TBC1D22A: variants seen among roughly 807,000 people sequenced by gnomAD.
TBC1D22A encodes TBC1 domain family member 22A.
TBC1D22A carries 38 observed loss-of-function variants against 60.2 expected under a neutral mutation model. The ratio of observed to expected loss-of-function variants is 0.63; its 90% CI spans 0.49 to 0.83. The LOEUF (loss-of-function observed/expected upper bound fraction) is 0.83, where lower values mean the gene tolerates loss of function less well. Ranked by LOEUF, TBC1D22A falls within the 40% of genes least tolerant of loss-of-function variation. The probability of loss-of-function intolerance (pLI) is 0.00; values close to 1 mark genes in which losing one functional copy is unlikely to be tolerated. For synonymous variants in TBC1D22A, 302 were observed against 281.7 expected (o/e 1.07, Z -0.72); for missense variants, 628 against 701.0 (o/e 0.90, Z 1.18).
intron 10 of TBC1D22A, among the ~76,000 whole-genome samples, chr22:47,005,071 A>G (rs2061538959): frequency 6.6e-6 from 1 of 151,690 alleles, no homozygotes; most frequent in African/African-American, 2.4e-5. Context: ...CCTGCCACAT[A>G]CATATACATG....
chr22:46,808,650 A>T (rs2085251409), intron 4 of TBC1D22A, among the ~76,000 whole-genome samples: 1 of 151,928 alleles, frequency 6.6e-6, no homozygotes, highest in Non-Finnish European at 1.5e-5. Flanking sequence ...GCCAGAGTGC[A>T]GTGGCGCGAT....
chr22:47,037,402 G>A (rs2062692558), intron 11 of TBC1D22A, among the ~76,000 whole-genome samples: 1 of 152,162 alleles, frequency 6.6e-6, no homozygotes, highest in Admixed American at 6.5e-5. Flanking sequence ...GGCCAAGGTG[G>A]GTGGATTGCC....
intron 10 of TBC1D22A, among the ~76,000 whole-genome samples, chr22:47,000,460 C>T (rs537321221): frequency 6.6e-6 from 1 of 152,306 alleles, no homozygotes; most frequent in East Asian, 1.9e-4. Flanking sequence ...CATCCCTAAA[C>T]CTTTAGTAAA....
At chr22:47,141,303 A>T (rs867014150) in intron 12 of TBC1D22A, among the ~76,000 whole-genome samples, 7 of 152,304 alleles carry the variant, frequency 4.6e-5, no homozygotes, top group Middle Eastern at 3.4e-3. Context: ...TTGGGTGGGG[A>T]CACAGCCAAA....
chr22:47,129,443 C>T (rs1026682992), intron 12 of TBC1D22A, among the ~76,000 whole-genome samples: 1 of 152,226 alleles, frequency 6.6e-6, no homozygotes, highest in African/African-American at 2.4e-5. Flanking sequence ...TGCCACTGCA[C>T]TGCAGCCTGG....
intron 4 of TBC1D22A, among the ~76,000 whole-genome samples, chr22:46,876,679 C>T (rs1170903011): frequency 6.6e-6 from 1 of 152,216 alleles, no homozygotes; most frequent in African/African-American, 2.4e-5. Flanking sequence ...GCTGTCTGTG[C>T]TCAGTGGCTT....
At position 46,958,666 on chromosome 22, in the gene TBC1D22A, C is replaced by T. The variant is rs145221199; in HGVS notation, c.1016-15624C>T. On this transcript the variant is annotated intron_variant, in intron 8 of 12. Transcript: ENST00000337137. The stretch of plus-strand genomic sequence containing the variant: ...GCGTCTCTAGCCCTGTGCCCAGCGT[C>T]GGGACTTTTCCCCCAGCTGCTGGAA... 1.5e-4 allele frequency among the ~76,000 whole-genome samples: 23 copies of T among 152,324 alleles called. No homozygotes were observed. The East Asian group carries it at 3.7e-3, about 24-fold the overall frequency.
At chr22:46,970,140 T>C (rs925807611) in intron 8 of TBC1D22A, among the ~76,000 whole-genome samples, 1 of 152,068 alleles carries the variant, frequency 6.6e-6, no homozygotes, top group Non-Finnish European at 1.5e-5. Flanking sequence ...TTGAGGCAGC[T>C]TGGGCATGTC....
At chr22:46,774,360 A>G in intron 1 of TBC1D22A, 2 of 656,770 alleles carry the variant, frequency 3.0e-6, no homozygotes, top group Non-Finnish European at 3.8e-6. Context: ...TGCTGTGGGG[A>G]ACTTTCATTT....
chr22:46,791,210 C>T (rs949685664), intron 1 of TBC1D22A, among the ~76,000 whole-genome samples: 12 of 152,124 alleles, frequency 7.9e-5, no homozygotes, highest in African/African-American at 1.4e-4. Context: ...TTTGTGCAGA[C>T]GTGGTTTCGC....
intron 8 of TBC1D22A, among the ~76,000 whole-genome samples, chr22:46,951,931 A>C (rs2072927815): frequency 6.6e-6 from 1 of 152,202 alleles, no homozygotes; most frequent in South Asian, 2.1e-4. Context: ...TCTTGCAGGA[A>C]ATCCCATTTA....
chr22:47,063,220 G>A (rs131933), intron 11 of TBC1D22A, among the ~76,000 whole-genome samples: 121 of 152,230 alleles, frequency 7.9e-4, no homozygotes, highest in Non-Finnish European at 1.5e-3. Flanking sequence ...CCAATCTCAT[G>A]GGACACTGGT....
intron 4 of TBC1D22A, among the ~76,000 whole-genome samples, chr22:46,830,484 C>T (rs539770536): frequency 8.5e-5 from 13 of 152,342 alleles, no homozygotes; most frequent in African/African-American, 3.1e-4. Flanking sequence ...CATTCCAGCC[C>T]TGGCTGGAAA....
Position 46,845,371 on chromosome 22 carries a change from G to C in TBC1D22A, c.638-33282G>C, listed in dbSNP as rs977554710. Among the ~76,000 whole-genome samples the C allele has an allele frequency of 5.9e-5, 9 of 152,310 alleles. No individual in the cohort carries two copies. The East Asian group carries it at 1.5e-3, about 26-fold the overall frequency. On this transcript the variant is annotated intron_variant, in intron 4 of 12. Coordinates refer to ENST00000337137, the MANE Select transcript of TBC1D22A (RefSeq NM_014346.5). ...TGGAGAAGATTAAGGGCAGTATTTG[G>C]TTGGAAAATTTTTAATGAAGCACCT... is the stretch of plus-strand genomic sequence containing the variant.
chr22:47,162,826 G>T (rs2068047274), intron 12 of TBC1D22A, among the ~76,000 whole-genome samples: 1 of 133,468 alleles, frequency 7.5e-6, no homozygotes, highest in Non-Finnish European at 1.6e-5. Context: ...GGTGCAGGGA[G>T]AGTCGGGGGA....
chr22:46,783,646 T>TA (rs1311941393), intron 1 of TBC1D22A, among the ~76,000 whole-genome samples: 2 of 123,114 alleles, frequency 1.6e-5, no homozygotes, highest in East Asian at 4.8e-4. Context: ...CATTTCGCAT[T>TA]TAAAAAATTT....
intron 4 of TBC1D22A, among the ~76,000 whole-genome samples, chr22:46,817,994 T>G (rs1256553379): frequency 5.9e-5 from 9 of 152,240 alleles, no homozygotes. Flanking sequence ...TGATTTGCAT[T>G]TATCTGATGA....
At chr22:46,908,375 C>T (rs1398054239) in intron 7 of TBC1D22A, among the ~76,000 whole-genome samples, 1 of 152,156 alleles carries the variant, frequency 6.6e-6, no homozygotes, top group African/African-American at 2.4e-5. Flanking sequence ...GTGCCTTTAG[C>T]GGCAGAGCCA....
intron 10 of TBC1D22A, among the ~76,000 whole-genome samples, chr22:47,004,955 C>G (rs918961522): frequency 4.0e-5 from 6 of 151,840 alleles, no homozygotes; most frequent in African/African-American, 1.5e-4. Flanking sequence ...TACACATACC[C>G]TTACATCTGT....
Sources: allele counts gnomAD v4.1 joint callset (sites outside exome capture counted in the v4.1 genomes callset), GRCh38; gene constraint gnomAD v4.1.1; transcripts MANE v1.5; gene names NCBI Gene and HGNC (gene_info 2026-07-23, HGNC 2026-07-21).